Variants in PPP3CC observed in about 807,000 individuals in gnomAD.
PPP3CC encodes protein phosphatase 3 catalytic subunit gamma.
Under a neutral mutation model 60.3 loss-of-function variants are expected in PPP3CC, and 35 were observed. The ratio of observed to expected loss-of-function variants is 0.58; its 90% CI spans 0.44 to 0.77. The LOEUF (loss-of-function observed/expected upper bound fraction) is 0.77. Among genes scored for constraint, PPP3CC ranks in the 30% least tolerant of loss-of-function variants. The pLI, the probability that PPP3CC is intolerant of heterozygous loss-of-function variation, is 0.00. For synonymous variants in PPP3CC, 206 were observed against 224.3 expected, an observed-to-expected ratio of 0.92 and a Z score of 0.73; for missense variants, 570 against 628.9, an observed-to-expected ratio of 0.91 and a Z score of 1.00.
At chr8:22,526,344 G>C (rs1163194363) in intron 8 of PPP3CC, among the ~76,000 whole-genome samples, 1 of 151,964 alleles carries the variant, frequency 6.6e-6, no homozygotes, top group Non-Finnish European at 1.5e-5. Context: ...CTTTTTCCTG[G>C]GTAGAAATTG....
At chr8:22,488,969 G>A (rs985336158) in intron 3 of PPP3CC, among the ~76,000 whole-genome samples, 4 of 152,154 alleles carry the variant, frequency 2.6e-5, no homozygotes, top group African/African-American at 9.7e-5. Context: ...GATAGATGAT[G>A]TCAGGCCTAG....
intron 6 of PPP3CC, among the ~76,000 whole-genome samples, chr8:22,518,832 A>G (rs1389116560): frequency 6.6e-6 from 1 of 152,084 alleles, no homozygotes; most frequent in Non-Finnish European, 1.5e-5. Flanking sequence ...GATTACAGGC[A>G]TGCACCATCA....
chr8:22,524,564 T>C (rs1189460946), intron 8 of PPP3CC, among the ~76,000 whole-genome samples: 1 of 152,252 alleles, frequency 6.6e-6, no homozygotes, highest in Non-Finnish European at 1.5e-5. Context: ...ACTTAGGTTT[T>C]ATTCTTATTT....
At chr8:22,454,362 G>A (rs1357398449) in intron 1 of PPP3CC, among the ~76,000 whole-genome samples, 2 of 152,164 alleles carry the variant, frequency 1.3e-5, no homozygotes, top group Non-Finnish European at 2.9e-5. Flanking sequence ...CAGGCATGGA[G>A]CAGTCACCTC....
intron 3 of PPP3CC, among the ~76,000 whole-genome samples, chr8:22,489,691 A>G (rs1838331566): frequency 2.3e-5 from 1 of 42,730 alleles, no homozygotes; most frequent in South Asian, 7.9e-4. Flanking sequence ...ATATATAAGT[A>G]TATATTATAT....
At chr8:22,466,580 G>C (rs1837528824) in intron 1 of PPP3CC, among the ~76,000 whole-genome samples, 1 of 152,202 alleles carries the variant, frequency 6.6e-6, no homozygotes, top group African/African-American at 2.4e-5. Context: ...GACCAGTGAT[G>C]ATGAGCATTT....
At chr8:22,484,992 T>G (rs1199320412) in intron 3 of PPP3CC, among the ~76,000 whole-genome samples, 2 of 152,136 alleles carry the variant, frequency 1.3e-5, no homozygotes, top group Admixed American at 6.6e-5. Flanking sequence ...TTTTTTAGCC[T>G]CAAAATATCA....
chr8:22,539,569 T>C (rs1329214089), intron 13 of PPP3CC, 71 bp downstream of exon 13: 2 of 1,451,994 alleles, frequency 1.4e-6, no homozygotes, highest in Admixed American at 1.9e-5. Flanking sequence ...TTTATCAACA[T>C]TTCAAATATT....
At chr8:22,463,680 C>A (rs1266790703) in intron 1 of PPP3CC, among the ~76,000 whole-genome samples, 1 of 152,148 alleles carries the variant, frequency 6.6e-6, no homozygotes, top group Non-Finnish European at 1.5e-5. Flanking sequence ...TTTCATTTAT[C>A]CTATAAAGTG....
At chr8:22,488,516 A>G (rs1022880429) in intron 3 of PPP3CC, among the ~76,000 whole-genome samples, 10 of 152,232 alleles carry the variant, frequency 6.6e-5, no homozygotes, top group Non-Finnish European at 1.2e-4. Context: ...AATACCCTGC[A>G]ATGTGTAGGA....
At chr8:22,504,146 TG>T (rs551158558) in intron 4 of PPP3CC, among the ~76,000 whole-genome samples, 175 of 152,274 alleles carry the variant, frequency 1.1e-3, no homozygotes, top group African/African-American at 3.7e-3. Flanking sequence ...AAAGTAATAA[TG>T]TTTTTTTTTA....
At chr8:22,449,584 G>A (rs1380822526) in intron 1 of PPP3CC, among the ~76,000 whole-genome samples, 1 of 151,814 alleles carries the variant, frequency 6.6e-6, no homozygotes, top group Non-Finnish European at 1.5e-5. Context: ...GAGCCTTAAA[G>A]AATATTATAG....
At chr8:22,469,512 A>G (rs570494247) in intron 1 of PPP3CC, among the ~76,000 whole-genome samples, 1 of 152,240 alleles carries the variant, frequency 6.6e-6, no homozygotes, top group African/African-American at 2.4e-5. Context: ...TGCATAATAT[A>G]CATGTAACAT....
intron 1 of PPP3CC, among the ~76,000 whole-genome samples, chr8:22,442,983 G>C (rs1483306054): frequency 6.6e-6 from 1 of 152,054 alleles, no homozygotes; most frequent in Non-Finnish European, 1.5e-5. Context: ...TTTCTAATCT[G>C]CTACGTCTTA....
chr8:22,518,321 C>G (rs924509411), intron 6 of PPP3CC, among the ~76,000 whole-genome samples: 1 of 152,004 alleles, frequency 6.6e-6, no homozygotes, highest in Non-Finnish European at 1.5e-5. Flanking sequence ...TTTTAAAATT[C>G]CTTTTTGATT....
chr8:22,528,472 T>C (rs1323909588), intron 9 of PPP3CC, 34 bp from the exon 10 acceptor site: 1 of 1,407,066 alleles, frequency 7.1e-7, no homozygotes, highest in East Asian at 2.4e-5. Flanking sequence ...ACCTCATTAA[T>C]CGCGTAAATT....
chr8:22,538,931 G>A (rs1199042224), intron 12 of PPP3CC, among the ~76,000 whole-genome samples: 1 of 151,934 alleles, frequency 6.6e-6, no homozygotes, highest in Non-Finnish European at 1.5e-5. Context: ...CCTTCACATG[G>A]AACCTATTTT....
At chr8:22,530,829 C>CAAAAAAAAAAAAAA (rs58626647) in intron 10 of PPP3CC, among the ~76,000 whole-genome samples, 2 of 58,048 alleles carry the variant, frequency 3.4e-5, no homozygotes, top group African/African-American at 1.0e-4. Flanking sequence ...AGACTCATCT[C>CAAAAAAAAAAAAAA]AAAAAAAAAA....
In PPP3CC at chr8:22,540,624, G is replaced by A; in HGVS notation, c.1361G>A (p.Gly454Glu). ...TCCTGTTTTTCTGTAGCCATCAGAG[G>A]GTTCTCGCTTCAGCACAAGATCCGG... ...EAVEAREAIRGFSLQHKIRSF... is the reference protein window; with the variant it reads ...EAVEAREAIREFSLQHKIRSF... The change falls in exon 14 of 14, where the codon GGG (glycine) becomes GAG (glutamate). Residue 454 changes from glycine to glutamate, a missense_variant. Gly to Glu is a moderately conservative substitution (Grantham distance 98). Coordinates refer to ENST00000240139, the MANE Select transcript of PPP3CC (RefSeq NM_005605.5). 6.2e-7 allele frequency: 1 copy of A among 1,612,918 alleles called. No homozygotes were observed. Among genetic ancestry groups the A allele is most frequent in the Non-Finnish European group, 8.5e-7 (1 of 1,179,642 alleles).
Sources: gnomAD v4.1 joint callset for allele counts (sites outside exome capture counted in the v4.1 genomes callset) on GRCh38, gnomAD v4.1.1 for gene constraint, MANE v1.5 for transcripts, NCBI Gene and HGNC (gene_info 2026-07-23, HGNC 2026-07-21) for gene names.